OR9Q1: variants seen among roughly 807,000 people sequenced by gnomAD.
OR9Q1 encodes the protein olfactory receptor 9Q1.
For synonymous variants in OR9Q1, 153 were observed against 148.6 expected, an observed-to-expected ratio of 1.03 and a Z score of -0.22; for missense variants, 374 against 378.8, an observed-to-expected ratio of 0.99 and a Z score of 0.11.
chr11:58,173,186 G>A (rs993821924), intron 2 of OR9Q1, among the ~76,000 whole-genome samples: 1 of 151,524 alleles, frequency 6.6e-6, no homozygotes, highest in Non-Finnish European at 1.5e-5. Context: ...TGCACTATGT[G>A]CAGGTTTGTT....
chr11:58,093,590 C>A (rs1853703664), intron 2 of OR9Q1, among the ~76,000 whole-genome samples: 1 of 151,730 alleles, frequency 6.6e-6, no homozygotes. Flanking sequence ...GAAACCTTGT[C>A]TCTACTTAAA....
intron 2 of OR9Q1, among the ~76,000 whole-genome samples, chr11:58,108,281 A>G (rs543791769): frequency 6.6e-6 from 1 of 152,320 alleles, no homozygotes; most frequent in South Asian, 2.1e-4. Flanking sequence ...TCCAATTAGT[A>G]CAATTTATAG....
chr11:58,136,060 G>A (rs1376196068), intron 2 of OR9Q1, among the ~76,000 whole-genome samples: 1 of 152,148 alleles, frequency 6.6e-6, no homozygotes, highest in East Asian at 1.9e-4. Flanking sequence ...CTGAGGTGTA[G>A]TAGAGATTTT....
At chr11:58,035,276 CA>C (rs1853090637) in intron 1 of OR9Q1, among the ~76,000 whole-genome samples, 4 of 148,748 alleles carry the variant, frequency 2.7e-5, no homozygotes, top group Admixed American at 6.7e-5. Flanking sequence ...AGAAAAAAAA[CA>C]AATTGTGGTA....
At chr11:58,148,191 T>C (rs1310155717) in intron 2 of OR9Q1, among the ~76,000 whole-genome samples, 2 of 152,278 alleles carry the variant, frequency 1.3e-5, no homozygotes, top group East Asian at 3.9e-4. Flanking sequence ...ATTAAGTTGA[T>C]TGAGTGTAGG....
At chr11:58,120,291 A>G (rs1255218321) in intron 2 of OR9Q1, among the ~76,000 whole-genome samples, 1 of 152,136 alleles carries the variant, frequency 6.6e-6, no homozygotes, top group Non-Finnish European at 1.5e-5. Context: ...TCATAAAATC[A>G]AAGTTGGGTA....
intron 2 of OR9Q1, among the ~76,000 whole-genome samples, chr11:58,138,143 C>T (rs1192914297): frequency 6.6e-6 from 1 of 152,170 alleles, no homozygotes; most frequent in Non-Finnish European, 1.5e-5. Flanking sequence ...ATCCCCCAAT[C>T]ATGTCACTCT....
intron 2 of OR9Q1, among the ~76,000 whole-genome samples, chr11:58,112,218 G>A (rs1590596651): frequency 6.6e-6 from 1 of 152,046 alleles, no homozygotes; most frequent in South Asian, 2.1e-4. Context: ...TCTTGAACCC[G>A]GGAGGTGGAG....
intron 2 of OR9Q1, among the ~76,000 whole-genome samples, chr11:58,128,466 G>C (rs1854110302): frequency 6.6e-6 from 1 of 152,074 alleles, no homozygotes. Context: ...AGTGGAGAAA[G>C]AAATATTTAT....
At chr11:58,061,501 A>G (rs1235315663) in intron 2 of OR9Q1, among the ~76,000 whole-genome samples, 1 of 152,216 alleles carries the variant, frequency 6.6e-6, no homozygotes, top group Non-Finnish European at 1.5e-5. Flanking sequence ...GCTCAGACAG[A>G]TGACTCAATT....
rs749717267 is a variant in OR9Q1 at position 58,118,944 on chromosome 11, G to A, written c.-14-60487G>A. 2.5e-6 allele frequency: 4 copies of A among 1,613,918 alleles called. No individual in the cohort carries two copies. In the African/African-American group the frequency reaches 5.3e-5, roughly 22 times the overall value. On this transcript the variant is annotated intron_variant, in intron 2 of 2. Coordinates refer to ENST00000335397, the MANE Select transcript of OR9Q1 (RefSeq NM_001005212.4). ...AGTTTATTTGATTGTCCTTACAGAA[G>A]GAGAGGGTGAAGGTGCAAGTGGTAC...
chr11:58,178,416 T>A (rs1341707107), intron 2 of OR9Q1, among the ~76,000 whole-genome samples: 2 of 152,178 alleles, frequency 1.3e-5, no homozygotes, highest in Non-Finnish European at 2.9e-5. Flanking sequence ...GGGAATCAGA[T>A]GTGATCAAAT....
rs1384742243 is a variant in OR9Q1 at position 58,179,426 on chromosome 11, C to T, written c.-14-5C>T. 2 of 1,518,324 alleles carry T rather than the reference C, an allele frequency of 1.3e-6. No individual in the cohort carries two copies. Among genetic ancestry groups the T allele is most frequent in the South Asian group, 2.6e-5 (2 of 77,826 alleles). 94.1% of individuals were successfully genotyped at this position (1,518,324 alleles called of 1,614,324 possible). ...CTAACTTGCTTCCCATTCTACATGT[C>T]TCAGGGACCACTGGTGTCATGGCAG... On this transcript the variant is annotated splice_region_variant and splice_polypyrimidine_tract_variant and intron_variant, in intron 2 of 2. Transcript: ENST00000335397.
chr11:58,064,868 C>T (rs532623427), intron 2 of OR9Q1, among the ~76,000 whole-genome samples: 2 of 152,006 alleles, frequency 1.3e-5, no homozygotes, highest in Non-Finnish European at 2.9e-5. Context: ...TGTACATTTG[C>T]TTAAAGAAGC....
intron 1 of OR9Q1, among the ~76,000 whole-genome samples, chr11:58,038,699 C>G (rs980973954): frequency 2.7e-4 from 41 of 152,298 alleles, no homozygotes; most frequent in Middle Eastern, 3.4e-3. Flanking sequence ...TTCTGTGAGC[C>G]ATTACATCAC....
At chr11:58,162,990 G>A (rs929871677) in intron 2 of OR9Q1, among the ~76,000 whole-genome samples, 1 of 152,192 alleles carries the variant, frequency 6.6e-6, no homozygotes, top group East Asian at 1.9e-4. Flanking sequence ...GAAAGTGAGA[G>A]AGAAGCTTTG....
chr11:58,116,275 G>A (rs1030571873), intron 2 of OR9Q1, among the ~76,000 whole-genome samples: 1 of 152,206 alleles, frequency 6.6e-6, no homozygotes, highest in Admixed American at 6.5e-5. Context: ...CCGAAGGAAA[G>A]TGTTTTGAGT....
At chr11:58,063,866 A>G (rs920473506) in intron 2 of OR9Q1, among the ~76,000 whole-genome samples, 4 of 152,218 alleles carry the variant, frequency 2.6e-5, no homozygotes, top group African/African-American at 9.6e-5. Context: ...ATCTAGGCAA[A>G]TGTTTCAAAG....
At chr11:58,057,338 G>A (rs1039492221) in intron 2 of OR9Q1, among the ~76,000 whole-genome samples, 1 of 152,010 alleles carries the variant, frequency 6.6e-6, no homozygotes, top group Non-Finnish European at 1.5e-5. Flanking sequence ...AAAAGACCTC[G>A]AACACAGAGA....
Sources: gnomAD v4.1 joint callset for allele counts (sites outside exome capture counted in the v4.1 genomes callset) on GRCh38, gnomAD v4.1.1 for gene constraint, MANE v1.5 for transcripts, NCBI Gene and HGNC (gene_info 2026-07-23, HGNC 2026-07-21) for gene names.